Variants in WDR25 observed in about 807,000 individuals in gnomAD.
The protein encoded by WDR25 is WD repeat-containing protein 25.
Under a neutral mutation model 47.7 loss-of-function variants are expected in WDR25, and 35 were observed. The observed-to-expected ratio is 0.73, with a 90% confidence interval of 0.56 to 0.97. WDR25 has a LOEUF of 0.97. WDR25 is among the 50% of genes least tolerant of loss of function. WDR25 has a pLI of 0.00. For synonymous variants in WDR25, 248 were observed against 278.9 expected, an observed-to-expected ratio of 0.89 and a Z score of 1.10; for missense variants, 634 against 704.7, an observed-to-expected ratio of 0.90 and a Z score of 1.14.
intron 2 of WDR25, among the ~76,000 whole-genome samples, chr14:100,444,739 G>A (rs1019775654): frequency 1.3e-5 from 2 of 152,218 alleles, no homozygotes; most frequent in African/African-American, 4.8e-5. Context: ...GAAGGAGGCA[G>A]CGGCGAAACA....
intron 2 of WDR25, among the ~76,000 whole-genome samples, chr14:100,453,222 C>T (rs564124277): frequency 6.6e-6 from 1 of 152,276 alleles, no homozygotes; most frequent in South Asian, 2.1e-4. Context: ...AGGACTAGGG[C>T]AGTGGGTTGG....
intron 2 of WDR25, among the ~76,000 whole-genome samples, chr14:100,408,238 C>T (rs12101281): frequency 6.6e-6 from 1 of 152,120 alleles, no homozygotes; most frequent in Non-Finnish European, 1.5e-5. Context: ...GACAGGCAGA[C>T]TGGGATGCTT....
intron 5 of WDR25, among the ~76,000 whole-genome samples, chr14:100,526,558 G>A (rs2030149166): frequency 6.6e-6 from 1 of 152,028 alleles, no homozygotes. Flanking sequence ...ATAGTTTTGA[G>A]AATTAAGAGA....
In WDR25 at chr14:100,381,571, G is replaced by A; in HGVS notation, c.647G>A (p.Gly216Glu). 10 of 1,609,922 alleles carry A rather than the reference G, an allele frequency of 6.2e-6. No homozygotes were observed. Among genetic ancestry groups the A allele is most frequent in the Non-Finnish European group, 8.5e-6 (10 of 1,177,112 alleles). The change falls in exon 2 of 7, where the codon GGA becomes GAA. Residue 216 changes from glycine (G) to glutamate (E), a missense_variant. Transcript: ENST00000402312. ...CCAGCCCCTCTCTACGTGGGCCCGG[G>A]AGTGTCTGAGTTTATTCAGCCATAT... Reference protein sequence around the residue: ...RAPAPLYVGPGVSEFIQPYLN... With the variant: ...RAPAPLYVGPEVSEFIQPYLN...
Position 100,449,086 on chromosome 14 carries a change from A to G in WDR25, c.823-18935A>G, listed in dbSNP as rs1898937570. Among the ~76,000 whole-genome samples, 1 of 152,134 alleles carries G rather than the reference A, an allele frequency of 6.6e-6. No homozygotes were observed. Among genetic ancestry groups the G allele is most frequent in the East Asian group, 1.9e-4 (1 of 5,164 alleles). The stretch of plus-strand genomic sequence containing the variant: ...TCCGGAGTCAGCCACTGACTTTCCC[A>G]CTGTAGCTGTTTACAACCCCCTAAG... On this transcript the variant is annotated intron_variant, in intron 2 of 6. Coordinates refer to ENST00000402312, the MANE Select transcript of WDR25 (RefSeq NM_001161476.3). The surrounding 1 kb of genome is among the most constrained non-coding windows in gnomAD (Gnocchi z 4.2).
At chr14:100,527,630 G>A (rs1315008311) in intron 5 of WDR25, among the ~76,000 whole-genome samples, 2 of 152,196 alleles carry the variant, frequency 1.3e-5, no homozygotes, top group East Asian at 3.9e-4. Context: ...GGCACGTCTG[G>A]CCTCTGAGGG....
chr14:100,467,222 C>T (rs1188895153), intron 2 of WDR25, among the ~76,000 whole-genome samples: 3 of 152,216 alleles, frequency 2.0e-5, no homozygotes, highest in Non-Finnish European at 4.4e-5. Context: ...CTCTGTCTTA[C>T]AGCAGAACCC....
chr14:100,460,136 G>A (rs1172064703), intron 2 of WDR25, among the ~76,000 whole-genome samples: 37 of 143,888 alleles, frequency 2.6e-4, no homozygotes, highest in African/African-American at 8.7e-4. Flanking sequence ...TTTTTGAGAC[G>A]GAGTCTCGCT....
At chr14:100,411,437 C>T (rs1237019249) in intron 2 of WDR25, among the ~76,000 whole-genome samples, 1 of 152,154 alleles carries the variant, frequency 6.6e-6, no homozygotes, top group Non-Finnish European at 1.5e-5. Flanking sequence ...AACTTAAATA[C>T]TTATGTTGTA....
intron 2 of WDR25, chr14:100,381,982 A>T: frequency 2.9e-6 from 2 of 678,108 alleles, no homozygotes; most frequent in Non-Finnish European, 5.3e-6. Context: ...ACTGTTTCTT[A>T]TCCCTCTCGG....
chr14:100,518,656 C>T lies in WDR25; in HGVS notation c.1102-7214C>T, dbSNP rs1042419172. 3.9e-5 allele frequency among the ~76,000 whole-genome samples: 6 copies of T among 152,042 alleles called. No homozygotes were observed. The South Asian group carries it at 6.2e-4, about 16-fold the overall frequency. On this transcript the variant is annotated intron_variant, in intron 4 of 6. Coordinates refer to ENST00000402312, the MANE Select transcript of WDR25 (RefSeq NM_001161476.3). ...CTGTAATCCTAGCACTTTGGGAGGC[C>T]AAGGCGGGCAGATTGTCTGAGCTCA...
At chr14:100,405,998 G>C (rs1283218368) in intron 2 of WDR25, among the ~76,000 whole-genome samples, 6 of 152,182 alleles carry the variant, frequency 3.9e-5, no homozygotes, top group African/African-American at 1.4e-4. Flanking sequence ...GCTCAGAATG[G>C]AGGTGTGCTC....
intron 2 of WDR25, among the ~76,000 whole-genome samples, chr14:100,448,544 G>T (rs1267618655): frequency 1.3e-5 from 2 of 152,154 alleles, no homozygotes; most frequent in African/African-American, 4.8e-5. Flanking sequence ...CCTACTGGGA[G>T]CCCTAGTCTC....
intron 2 of WDR25, among the ~76,000 whole-genome samples, chr14:100,465,668 A>G (rs1283374332): frequency 6.6e-6 from 1 of 152,204 alleles, no homozygotes; most frequent in African/African-American, 2.4e-5. Context: ...TGCTATGAAC[A>G]TGGATGTACA....
intron 2 of WDR25, chr14:100,382,277 C>T: frequency 1.5e-6 from 1 of 666,650 alleles, no homozygotes. Flanking sequence ...TCTGGGAGCC[C>T]AACGGGAGGG....
At position 100,500,595 on chromosome 14, in the gene WDR25, G is replaced by T. The variant is rs2140347010; in HGVS notation, c.1101+16471G>T. Reference sequence around the variant, plus strand: ...TTTCTCTGGGGCTAGGCAGGGCCTGGGGTTTTGGGGCCCCCCACAGTTTTG... The same window carrying T: ...TTTCTCTGGGGCTAGGCAGGGCCTGTGGTTTTGGGGCCCCCCACAGTTTTG... On this transcript the variant is annotated intron_variant, in intron 4 of 6. Coordinates refer to ENST00000402312, the MANE Select transcript of WDR25 (RefSeq NM_001161476.3). This position sits in a 1 kb window ranked among gnomAD's most constrained non-coding sequence, Gnocchi z 4.7. 6.6e-6 allele frequency among the ~76,000 whole-genome samples: 1 copy of T among 152,312 alleles called. No homozygotes were observed. Among genetic ancestry groups the T allele is most frequent in the Non-Finnish European group, 1.5e-5 (1 of 68,034 alleles).
intron 3 of WDR25, among the ~76,000 whole-genome samples, chr14:100,479,559 A>G (rs1900132247): frequency 6.6e-6 from 1 of 152,184 alleles, no homozygotes; most frequent in Non-Finnish European, 1.5e-5. Context: ...AAGTCTGCTC[A>G]TCTCCTTGAT....
rs1053005766 is a variant in WDR25, at chr14:100,502,534, C to A, written c.1101+18410C>A. ...CACTCACAGGCTGCTCCCCACCTGC[C>A]AGCTCCAGTTCCACCAGTGTCCTGG... On this transcript the variant is annotated intron_variant, in intron 4 of 6. Transcript: ENST00000402312. The surrounding 1 kb of genome is among the most constrained non-coding windows in gnomAD (Gnocchi z 4.5). 6.6e-6 allele frequency among the ~76,000 whole-genome samples: 1 copy of A among 152,244 alleles called. No homozygotes were observed. Among genetic ancestry groups the A allele is most frequent in the African/African-American group, 2.4e-5 (1 of 41,464 alleles).
At chr14:100,507,321 T>C (rs1901144511) in intron 4 of WDR25, among the ~76,000 whole-genome samples, 1 of 152,232 alleles carries the variant, frequency 6.6e-6, no homozygotes, top group African/African-American at 2.4e-5. Context: ...TAGTATAGTT[T>C]GAGGTCAAGT....
Sources: gnomAD v4.1 joint callset for allele counts (sites outside exome capture counted in the v4.1 genomes callset) on GRCh38, gnomAD v4.1.1 for gene constraint, Gnocchi (gnomAD v3.1) non-coding constraint, MANE v1.5 for transcripts, NCBI Gene and HGNC (gene_info 2026-07-23, HGNC 2026-07-21) for gene names.